ANGPT1: variants seen among roughly 807,000 people sequenced by gnomAD.
ANGPT1 encodes the protein angiopoietin 1, also known as angiopoietin-1.
Under a neutral mutation model 62.2 loss-of-function variants are expected in ANGPT1, and 17 were observed. The observed-to-expected ratio is 0.27, with a 90% CI of 0.19 to 0.41. The LOEUF (loss-of-function observed/expected upper bound fraction) is 0.41, where lower values mean the gene tolerates loss of function less well. ANGPT1 is among the 10% of genes least tolerant of loss of function. The pLI is 1.00. For synonymous variants in ANGPT1, 199 were observed against 198.9 expected, an observed-to-expected ratio of 1.00 and a Z score of 0.00; for missense variants, 478 against 594.9, an observed-to-expected ratio of 0.80 and a Z score of 2.04.
At chr8:107,355,774 C>T (rs1816031911) in intron 1 of ANGPT1, among the ~76,000 whole-genome samples, 1 of 152,134 alleles carries the variant, frequency 6.6e-6, no homozygotes, top group Non-Finnish European at 1.5e-5. Context: ...CCCTTCTTTT[C>T]TATTTCTAGA....
chr8:107,305,943 G>A (rs750130975), intron 4 of ANGPT1, among the ~76,000 whole-genome samples: 10 of 151,890 alleles, frequency 6.6e-5, no homozygotes, highest in African/African-American at 9.7e-5. Context: ...TATATACTAC[G>A]GTTTGAATAA....
At chr8:107,443,466 A>G (rs1811530252) in intron 1 of ANGPT1, among the ~76,000 whole-genome samples, 1 of 152,192 alleles carries the variant, frequency 6.6e-6, no homozygotes, top group Admixed American at 6.5e-5. Flanking sequence ...TCAAGTATTC[A>G]TGATATACTT....
intron 1 of ANGPT1, among the ~76,000 whole-genome samples, chr8:107,377,923 G>GAA (rs34583794): frequency 1.5e-5 from 1 of 65,478 alleles, no homozygotes; most frequent in South Asian, 5.2e-4. Context: ...ATATTGTCAT[G>GAA]AAAAAAAAAC....
chr8:107,387,116 T>C (rs1412980874), intron 1 of ANGPT1, among the ~76,000 whole-genome samples: 1 of 151,900 alleles, frequency 6.6e-6, no homozygotes, highest in Non-Finnish European at 1.5e-5. Flanking sequence ...AAAACAAAAG[T>C]AAAACACCCT....
chr8:107,495,123 G>A (rs1196449631), intron 1 of ANGPT1: 1 of 152,160 alleles, frequency 6.6e-6, no homozygotes, highest in Non-Finnish European at 1.5e-5. Flanking sequence ...GGAAACTTAT[G>A]AAAGCCTTTA....
At chr8:107,356,477 C>A (rs1816046526) in intron 1 of ANGPT1, among the ~76,000 whole-genome samples, 1 of 152,144 alleles carries the variant, frequency 6.6e-6, no homozygotes, top group Non-Finnish European at 1.5e-5. Context: ...ACGAGAGAAT[C>A]TAATAAGTCT....
chr8:107,457,288 C>T (rs1811944403), intron 1 of ANGPT1, among the ~76,000 whole-genome samples: 2 of 151,966 alleles, frequency 1.3e-5, no homozygotes, highest in African/African-American at 4.8e-5. Flanking sequence ...AAATAATTAG[C>T]ACATATGAAT....
intron 1 of ANGPT1, among the ~76,000 whole-genome samples, chr8:107,369,024 G>T (rs1033433421): frequency 8.5e-5 from 10 of 117,770 alleles, no homozygotes; most frequent in Non-Finnish European, 1.3e-4. Flanking sequence ...TTGAAGCCAG[G>T]CATTGACTTT....
chr8:107,476,336 C>A (rs1270167501), intron 1 of ANGPT1, among the ~76,000 whole-genome samples: 1 of 151,940 alleles, frequency 6.6e-6, no homozygotes, highest in East Asian at 1.9e-4. Context: ...ATTGCAAGGA[C>A]AAAAAACCAA....
At chr8:107,335,980 T>C (rs949917250) in intron 3 of ANGPT1, among the ~76,000 whole-genome samples, 170 bp downstream of exon 3, 12 of 152,240 alleles carry the variant, frequency 7.9e-5, no homozygotes, top group Non-Finnish European at 1.3e-4. Context: ...ATTCCTGACA[T>C]ACTAGCTGAA....
intron 8 of ANGPT1, among the ~76,000 whole-genome samples, chr8:107,258,083 C>T (rs1434797086): frequency 6.6e-6 from 1 of 151,672 alleles, no homozygotes; most frequent in East Asian, 1.9e-4. Flanking sequence ...TTTACCTCCT[C>T]TCTTCTCCCT....
intron 1 of ANGPT1, among the ~76,000 whole-genome samples, chr8:107,423,388 T>C (rs1194518324): frequency 6.6e-6 from 1 of 151,784 alleles, no homozygotes; most frequent in African/African-American, 2.4e-5. Context: ...CTAAGGGGAG[T>C]TGACTTGCTC....
chr8:107,330,086 A>G (rs1329502340), intron 3 of ANGPT1, among the ~76,000 whole-genome samples: 1 of 152,144 alleles, frequency 6.6e-6, no homozygotes, highest in Non-Finnish European at 1.5e-5. Context: ...TGTGAGTTGA[A>G]TAAGGAATGT....
At chr8:107,448,969 T>C (rs1563627522) in intron 1 of ANGPT1, among the ~76,000 whole-genome samples, 1 of 152,072 alleles carries the variant, frequency 6.6e-6, no homozygotes, top group African/African-American at 2.4e-5. Flanking sequence ...TGAATTGACA[T>C]GGTCTGACTC....
intron 7 of ANGPT1, among the ~76,000 whole-genome samples, chr8:107,271,014 C>G (rs73309773): frequency 2.6e-5 from 4 of 151,812 alleles, no homozygotes; most frequent in African/African-American, 9.7e-5. Context: ...AAAATAAGTA[C>G]GAATGAAAGA....
chr8:107,445,574 C>G (rs1478892556), intron 1 of ANGPT1, among the ~76,000 whole-genome samples: 3 of 152,116 alleles, frequency 2.0e-5, no homozygotes, highest in Non-Finnish European at 4.4e-5. Context: ...AATCTGTTCA[C>G]ACATCAGTGT....
At chr8:107,386,693 A>T (rs913504476) in intron 1 of ANGPT1, among the ~76,000 whole-genome samples, 3 of 152,238 alleles carry the variant, frequency 2.0e-5, no homozygotes, top group East Asian at 3.9e-4. Flanking sequence ...TGATAATTAT[A>T]CCTAAGATTT....
chr8:107,328,420 G>T (rs1327080311), intron 3 of ANGPT1, among the ~76,000 whole-genome samples: 3 of 151,692 alleles, frequency 2.0e-5, no homozygotes, highest in African/African-American at 4.8e-5. Context: ...AAAGTTTGGG[G>T]TAAAGAAGAA....
At chr8:107,319,487 T>C (rs1441863107) in intron 4 of ANGPT1, among the ~76,000 whole-genome samples, 1 of 152,014 alleles carries the variant, frequency 6.6e-6, no homozygotes, top group Admixed American at 6.6e-5. Flanking sequence ...GCGTTTATTC[T>C]GGTATGCTTA....
Sources: gnomAD v4.1 joint callset for allele counts (sites outside exome capture counted in the v4.1 genomes callset) on GRCh38, gnomAD v4.1.1 for gene constraint, MANE v1.5 for transcripts, NCBI Gene and HGNC (gene_info 2026-07-23, HGNC 2026-07-21) for gene names.